The following IGF1R variants were observed in gnomAD, a reference collection of about 807,000 sequenced individuals.
IGF1R encodes the protein insulin-like growth factor 1 receptor.
A neutral mutation model predicts 144.6 loss-of-function variants in IGF1R; 44 were observed. The ratio of observed to expected loss-of-function variants is 0.30; its 90% confidence interval spans 0.24 to 0.39. The LOEUF is 0.39. IGF1R is among the 10% of genes least tolerant of loss of function. The pLI is 1.00. For missense variants in IGF1R, 1,355 were observed against 1,833.7 expected, an observed-to-expected ratio of 0.74 and a Z score of 4.77; for synonymous variants, 795 against 722.8, an observed-to-expected ratio of 1.10 and a Z score of -1.60.
At chr15:98,739,230 G>A (rs971207559) in intron 2 of IGF1R, among the ~76,000 whole-genome samples, 6 of 152,216 alleles carry the variant, frequency 3.9e-5, no homozygotes, top group African/African-American at 4.8e-5. Flanking sequence ...GATCCTGACC[G>A]TCCTCAGTTT....
At chr15:98,756,927 A>G (rs530334927) in intron 2 of IGF1R, among the ~76,000 whole-genome samples, 136 of 152,300 alleles carry the variant, frequency 8.9e-4, no homozygotes, top group Non-Finnish European at 1.8e-3. Flanking sequence ...TATTGTTTAT[A>G]TGATTTATGA....
At chr15:98,729,563 C>CTT (rs5814895) in intron 2 of IGF1R, among the ~76,000 whole-genome samples, 2,856 of 146,038 alleles carry the variant, frequency 0.02, 34 homozygotes, top group Non-Finnish European at 0.029. Flanking sequence ...CCCTAATGTG[C>CTT]TTTTTTTTTT....
intron 2 of IGF1R, among the ~76,000 whole-genome samples, chr15:98,860,795 T>C (rs1435425369): frequency 6.6e-6 from 1 of 152,188 alleles, no homozygotes; most frequent in Non-Finnish European, 1.5e-5. Flanking sequence ...CATCAGCCCC[T>C]CTGTAGGTGA....
intron 2 of IGF1R, among the ~76,000 whole-genome samples, chr15:98,822,168 A>C (rs1453582621): frequency 6.6e-6 from 1 of 152,164 alleles, no homozygotes. Context: ...ACCCTCAAAC[A>C]GTTACCCAGT....
rs1245301066 is a variant in IGF1R at position 98,813,080 on chromosome 15, GT to G, written c.641-78241del. Among the ~76,000 whole-genome samples the G allele has an allele frequency of 2.0e-5, 3 of 152,240 alleles. No individual in the cohort carries two copies. In the East Asian group the frequency reaches 5.8e-4, roughly 29 times the overall value. On this transcript the variant is annotated intron_variant, in intron 2 of 20. Transcript: ENST00000650285. ...AGGCTTACTTCCTGGGGCCTTGGCAGTTTTGATCTAACTGACTTATGTTACC... is the reference window on the plus strand; with the variant it reads ...AGGCTTACTTCCTGGGGCCTTGGCAGTTTGATCTAACTGACTTATGTTACC...
In IGF1R at chr15:98,891,293, G is replaced by A; in HGVS notation, c.641-32G>A. ...GAGAAGGCGGTGCCTCCCCTGCCCG[G>A]TCTCATCTCCGTCTCTCCTCTCTCT... On this transcript the variant is annotated intron_variant, in intron 2 of 20. Coordinates refer to ENST00000650285, the MANE Select transcript of IGF1R (RefSeq NM_000875.5). The surrounding 1 kb of genome is among the most constrained non-coding windows in gnomAD (Gnocchi z 4.7). 1 of 1,599,482 alleles carries A rather than the reference G, an allele frequency of 6.3e-7. No individual in the cohort carries two copies. The highest frequency in any genetic ancestry group is 8.5e-7 in the Non-Finnish European group (1 of 1,178,344).
chr15:98,953,050 T>G (rs183199974), intron 20 of IGF1R: 2 of 152,342 alleles, frequency 1.3e-5, no homozygotes, highest in Admixed American at 1.3e-4. Context: ...CCTCCGTTTA[T>G]CCCGGAGAGG....
At chr15:98,671,156 C>G (rs1327252362) in intron 1 of IGF1R, among the ~76,000 whole-genome samples, 4 of 152,304 alleles carry the variant, frequency 2.6e-5, no homozygotes, top group Admixed American at 2.6e-4. Flanking sequence ...GCAGTGTCCC[C>G]CTCCAAATCT....
intron 1 of IGF1R, among the ~76,000 whole-genome samples, chr15:98,679,857 G>A (rs916101947): frequency 3.9e-5 from 6 of 152,132 alleles, no homozygotes; most frequent in African/African-American, 1.2e-4. Context: ...TATGGAGGTG[G>A]AAGACAGTGA....
At chr15:98,951,642 G>T (rs1192087301) in intron 20 of IGF1R, among the ~76,000 whole-genome samples, 1 of 152,236 alleles carries the variant, frequency 6.6e-6, no homozygotes, top group African/African-American at 2.4e-5. Context: ...AGGCTTGCCT[G>T]GGGGAGGCAG....
At chr15:98,838,534 T>A (rs2011125281) in intron 2 of IGF1R, among the ~76,000 whole-genome samples, 1 of 152,234 alleles carries the variant, frequency 6.6e-6, no homozygotes, top group African/African-American at 2.4e-5. Flanking sequence ...CCAGGAAGGC[T>A]CCTCTTTGAA....
chr15:98,702,287 TAA>T (rs2053756199), intron 1 of IGF1R, among the ~76,000 whole-genome samples: 2 of 152,172 alleles, frequency 1.3e-5, no homozygotes, highest in Non-Finnish European at 2.9e-5. Context: ...AGAAAATACC[TAA>T]GAGTATTTTG....
chr15:98,727,643 G>A (rs1329388104), intron 2 of IGF1R, among the ~76,000 whole-genome samples: 1 of 152,168 alleles, frequency 6.6e-6, no homozygotes. Flanking sequence ...AGCCTCCCCA[G>A]CTTCTCCTGC....
At chr15:98,661,501 A>G (rs1352777697) in intron 1 of IGF1R, among the ~76,000 whole-genome samples, 1 of 152,266 alleles carries the variant, frequency 6.6e-6, no homozygotes, top group Non-Finnish European at 1.5e-5. Flanking sequence ...TTAATATTCA[A>G]GAGTAGCTTG....
intron 2 of IGF1R, among the ~76,000 whole-genome samples, chr15:98,792,471 A>T (rs117567184): frequency 1.1e-4 from 17 of 152,334 alleles, no homozygotes; most frequent in East Asian, 9.6e-4. Context: ...TTTTGATTTG[A>T]TACCTATTTA....
At chr15:98,841,252 A>G (rs2011169400) in intron 2 of IGF1R, among the ~76,000 whole-genome samples, 1 of 152,158 alleles carries the variant, frequency 6.6e-6, no homozygotes, top group Non-Finnish European at 1.5e-5. Flanking sequence ...AACTCCATGG[A>G]GATGAGCTAC....
intron 1 of IGF1R, among the ~76,000 whole-genome samples, chr15:98,699,852 C>A (rs45460098): frequency 0.017 from 2,640 of 152,222 alleles, 80 homozygotes; most frequent in African/African-American, 0.061. Flanking sequence ...AAATTACACT[C>A]GGTTTCTAAT....
intron 11 of IGF1R, 109 bp from the exon 12 acceptor site, chr15:98,923,767 T>C: frequency 1.1e-6 from 1 of 899,834 alleles, no homozygotes. Context: ...GTGGCTGATC[T>C]CCACTGTCCT....
At position 98,704,924 on chromosome 15, in the gene IGF1R, G is replaced by GA. The variant is rs1257811425; in HGVS notation, c.95-2636dup. On this transcript the variant is annotated intron_variant, in intron 1 of 20. Transcript: ENST00000650285. The surrounding 1 kb of genome is among the most constrained non-coding windows in gnomAD (Gnocchi z 4.9). ...AGGTGTGAGAGGAGAGAAGAATCAGGAATGACTCTTTGATTCTTAACGTGA... is the reference window on the plus strand; with the variant it reads ...AGGTGTGAGAGGAGAGAAGAATCAGGAAATGACTCTTTGATTCTTAACGTGA... Among the ~76,000 whole-genome samples the GA allele has an allele frequency of 6.6e-6, 1 of 152,164 alleles. No individual in the cohort carries two copies. The highest frequency in any genetic ancestry group is 1.5e-5 in the Non-Finnish European group (1 of 68,036).
Sources: gnomAD v4.1 joint callset for allele counts (sites outside exome capture counted in the v4.1 genomes callset) on GRCh38, gnomAD v4.1.1 for gene constraint, Gnocchi (gnomAD v3.1) non-coding constraint, MANE v1.5 for transcripts, NCBI Gene and HGNC (gene_info 2026-07-23, HGNC 2026-07-21) for gene names.